CSMD1: variants seen among roughly 807,000 people sequenced by gnomAD.
CSMD1 encodes the protein CUB and Sushi multiple domains 1.
CSMD1 carries 213 observed loss-of-function variants against 417.5 expected under a neutral mutation model. The observed-to-expected ratio is 0.51, with a 90% CI of 0.46 to 0.57. The LOEUF is 0.57. Among genes scored for constraint, CSMD1 ranks in the 20% least tolerant of loss-of-function variants. The pLI is 0.00. For synonymous variants in CSMD1, 2,862 were observed against 1,736.8 expected, an observed-to-expected ratio of 1.65 and a Z score of -16.11; for missense variants, 6,923 against 4,529.7, an observed-to-expected ratio of 1.53 and a Z score of -15.17.
At chr8:3,405,821 G>C (rs1189843815) in intron 15 of CSMD1, among the ~76,000 whole-genome samples, 1 of 152,160 alleles carries the variant, frequency 6.6e-6, no homozygotes, top group African/African-American at 2.4e-5. Flanking sequence ...AGTTCCAGAA[G>C]GACCCCACCC....
intron 1 of CSMD1, among the ~76,000 whole-genome samples, chr8:4,925,868 G>C (rs988796839): frequency 6.6e-6 from 1 of 152,046 alleles, no homozygotes; most frequent in African/African-American, 2.4e-5. Flanking sequence ...TTTTGTAATT[G>C]TGAAATGGCA....
intron 5 of CSMD1, among the ~76,000 whole-genome samples, chr8:3,977,086 TCTTTC>T (rs140775800): frequency 0.011 from 1,657 of 152,276 alleles, 32 homozygotes; most frequent in African/African-American, 0.038. Context: ...GATTTTTGCT[TCTTTC>T]CTTTCATCTT....
At chr8:4,123,747 T>C (rs1802611885) in intron 3 of CSMD1, among the ~76,000 whole-genome samples, 1 of 152,200 alleles carries the variant, frequency 6.6e-6, no homozygotes, top group African/African-American at 2.4e-5. Flanking sequence ...ATTCAATGTG[T>C]TTATGCTGTG....
intron 63 of CSMD1, among the ~76,000 whole-genome samples, chr8:2,957,162 A>C (rs1489901047): frequency 6.6e-6 from 1 of 152,198 alleles, no homozygotes; most frequent in African/African-American, 2.4e-5. Context: ...GTGATCCTTA[A>C]GTATGTATTT....
At chr8:4,005,584 C>T (rs568262424) in intron 4 of CSMD1, among the ~76,000 whole-genome samples, 1 of 152,184 alleles carries the variant, frequency 6.6e-6, no homozygotes, top group Non-Finnish European at 1.5e-5. Context: ...GGACGTTCCA[C>T]ATGGTATTAT....
chr8:4,168,606 CAT>C (rs1797589334), intron 3 of CSMD1, among the ~76,000 whole-genome samples: 1 of 152,036 alleles, frequency 6.6e-6, no homozygotes, highest in African/African-American at 2.4e-5. Flanking sequence ...ACGCTACCAA[CAT>C]GTGTGCAAGA....
intron 10 of CSMD1, among the ~76,000 whole-genome samples, chr8:3,528,376 T>C (rs958431979): frequency 7.9e-5 from 12 of 152,146 alleles, no homozygotes; most frequent in African/African-American, 2.9e-4. Context: ...AATACAAATA[T>C]CTAAGAGCAC....
chr8:4,420,915 C>T (rs1797216416), intron 2 of CSMD1, among the ~76,000 whole-genome samples: 1 of 152,186 alleles, frequency 6.6e-6, no homozygotes, highest in Non-Finnish European at 1.5e-5. Flanking sequence ...CCTCCTCCCT[C>T]CCTGTCTTTT....
intron 3 of CSMD1, among the ~76,000 whole-genome samples, chr8:4,125,037 G>C (rs1714792): frequency 0.99 from 150,474 of 152,082 alleles, 74,466 homozygotes; most frequent in South Asian, 1. Flanking sequence ...GGGTCCGCAC[G>C]TTTCTCTAAT....
At chr8:3,041,440 C>A (rs1331583775) in intron 50 of CSMD1, among the ~76,000 whole-genome samples, 3 of 152,100 alleles carry the variant, frequency 2.0e-5, no homozygotes, top group African/African-American at 7.2e-5. Flanking sequence ...AAAATACACA[C>A]CTTGAAAACC....
chr8:3,037,717 C>T (rs920352050), intron 50 of CSMD1, among the ~76,000 whole-genome samples: 4 of 152,082 alleles, frequency 2.6e-5, no homozygotes, highest in African/African-American at 9.7e-5. Flanking sequence ...GAAATGATTC[C>T]TAAATGAGTT....
At chr8:4,684,643 A>C in intron 1 of CSMD1, among the ~76,000 whole-genome samples, 1 of 152,308 alleles carries the variant, frequency 6.6e-6, no homozygotes, top group East Asian at 1.9e-4. Flanking sequence ...ATTGAATGTA[A>C]GGATTATAAG....
At chr8:3,541,069 T>C (rs1243508961) in intron 10 of CSMD1, among the ~76,000 whole-genome samples, 7 of 152,174 alleles carry the variant, frequency 4.6e-5, no homozygotes, top group Admixed American at 3.9e-4. Flanking sequence ...ATTATAAAGA[T>C]ACATGCACAT....
intron 3 of CSMD1, among the ~76,000 whole-genome samples, chr8:4,110,912 C>T (rs1460963318): frequency 6.6e-6 from 1 of 152,046 alleles, no homozygotes; most frequent in East Asian, 1.9e-4. Flanking sequence ...TAAAGTGAGA[C>T]AATGACATTC....
At chr8:4,445,563 A>G (rs779943491) in intron 2 of CSMD1, among the ~76,000 whole-genome samples, 1 of 152,308 alleles carries the variant, frequency 6.6e-6, no homozygotes, top group East Asian at 1.9e-4. Flanking sequence ...AATGGCTTCA[A>G]TGAATTGAAA....
intron 41 of CSMD1, among the ~76,000 whole-genome samples, chr8:3,131,532 C>T (rs1249187430): frequency 2.0e-5 from 3 of 147,338 alleles, no homozygotes; most frequent in African/African-American, 2.5e-5. Flanking sequence ...AGTGCAGTGG[C>T]GTGATCTCTT....
chr8:4,564,915 T>C (rs1236042553), intron 2 of CSMD1, among the ~76,000 whole-genome samples: 4 of 152,220 alleles, frequency 2.6e-5, no homozygotes, highest in African/African-American at 4.8e-5. Flanking sequence ...TTCTCTATGA[T>C]ATAGTTAATA....
chr8:3,638,738 A>T (rs1312768408), intron 7 of CSMD1, among the ~76,000 whole-genome samples: 1 of 152,148 alleles, frequency 6.6e-6, no homozygotes, highest in Non-Finnish European at 1.5e-5. Flanking sequence ...TGTAGCTGTG[A>T]ACTCAAAGGA....
chr8:4,723,736 T>C (rs1457098633), intron 1 of CSMD1, among the ~76,000 whole-genome samples: 1 of 150,554 alleles, frequency 6.6e-6, no homozygotes, highest in Non-Finnish European at 1.5e-5. Flanking sequence ...GAAAGGAATT[T>C]TCATATGTGC....
Sources: gnomAD v4.1 joint callset for allele counts (sites outside exome capture counted in the v4.1 genomes callset) on GRCh38, gnomAD v4.1.1 for gene constraint, MANE v1.5 for transcripts, NCBI Gene and HGNC (gene_info 2026-07-23, HGNC 2026-07-21) for gene names.